ZNF322: variants seen among roughly 807,000 people sequenced by gnomAD.
The protein encoded by ZNF322 is HLA complex group 12.
Under a neutral mutation model 18.3 loss-of-function variants are expected in ZNF322, and 1 was observed. That is an observed-to-expected ratio of 0.05 (90% CI 0.02 to 0.26). The LOEUF (loss-of-function observed/expected upper bound fraction) is 0.26. Among genes scored for constraint, ZNF322 ranks in the 10% least tolerant of loss-of-function variants. The pLI is 1.00. For missense variants in ZNF322, 36 were observed against 403.6 expected, an observed-to-expected ratio of 0.09 and a Z score of 7.80; for synonymous variants, 17 against 130.7, an observed-to-expected ratio of 0.13 and a Z score of 5.93.
intron 2 of ZNF322, among the ~76,000 whole-genome samples, chr6:26,655,353 T>C (rs1186350654): frequency 2.0e-5 from 3 of 152,204 alleles, no homozygotes; most frequent in African/African-American, 4.8e-5. Flanking sequence ...CTAGAGAATA[T>C]CCTTGTTTTT....
chr6:26,652,749 T>C (rs1765694707), intron 2 of ZNF322, among the ~76,000 whole-genome samples: 3 of 152,110 alleles, frequency 2.0e-5, no homozygotes, highest in South Asian at 2.1e-4. Context: ...GAGTGAACCC[T>C]AATGTAACCT....
At chr6:26,645,417 C>T (rs1271826115) in intron 2 of ZNF322, among the ~76,000 whole-genome samples, 2 of 151,856 alleles carry the variant, frequency 1.3e-5, no homozygotes, top group Non-Finnish European at 2.9e-5. Context: ...AAATTCATTG[C>T]CAGAAAGAAA....
At chr6:26,644,749 T>C (rs1765526275) in intron 2 of ZNF322, among the ~76,000 whole-genome samples, 1 of 152,240 alleles carries the variant, frequency 6.6e-6, no homozygotes, top group African/African-American at 2.4e-5. Context: ...AATTGTCAAC[T>C]GAGACTTCTC....
chr6:26,637,037 GCT>G lies in ZNF322; in HGVS notation c.*306_*307del, dbSNP rs1765365918. ...GAGAAGGGCTGAGCATTAGTAGAAAGCTCTCTCACACTCAGTGCATTTCTAAG... is the reference window on the plus strand; with the variant it reads ...GAGAAGGGCTGAGCATTAGTAGAAAGCTCTCACACTCAGTGCATTTCTAAG... On this transcript the variant is annotated 3_prime_UTR_variant, in exon 4 of 4. Transcript: ENST00000415922. 3.9e-5 allele frequency: 9 copies of G among 231,640 alleles called. No homozygotes were observed. Among genetic ancestry groups the G allele is most frequent in the Non-Finnish European group, 7.2e-5 (9 of 125,758 alleles). The allele number at this position is 231,640 out of a possible 1,614,324, so 14.3% of individuals were successfully genotyped here.
chr6:26,646,947 T>A (rs549605879), intron 2 of ZNF322, among the ~76,000 whole-genome samples: 37 of 152,288 alleles, frequency 2.4e-4, no homozygotes, highest in Admixed American at 2.0e-3. Flanking sequence ...TATTCATAAT[T>A]GAAAATATTA....
At position 26,638,742 on chromosome 6, in the gene ZNF322, TA is replaced by T. The variant is rs1765412386; in HGVS notation, c.-175-15del. 1 of 942,828 alleles carries T rather than the reference TA, an allele frequency of 1.1e-6. No individual in the cohort carries two copies. Among genetic ancestry groups the T allele is most frequent in the Non-Finnish European group, 1.5e-6 (1 of 648,050 alleles). The allele number at this position is 942,828 out of a possible 1,614,324, so 58.4% of individuals were successfully genotyped here. A position where few individuals can be genotyped will look rare whatever the true frequency, so the allele number is the denominator to read the frequency against. On this transcript the variant is annotated splice_polypyrimidine_tract_variant and intron_variant, in intron 3 of 3. Coordinates refer to ENST00000415922, the MANE Select transcript of ZNF322 (RefSeq NM_024639.5). ...GTATTTCCAACCCTGTGAGACAAAGTAGAAATATTATTTATATTCCTATGAC... is the reference window on the plus strand; with the variant it reads ...GTATTTCCAACCCTGTGAGACAAAGTGAAATATTATTTATATTCCTATGAC...
intron 2 of ZNF322, among the ~76,000 whole-genome samples, chr6:26,644,693 G>A (rs2498342): frequency 0.64 from 97,429 of 151,794 alleles, 31,631 homozygotes; most frequent in East Asian, 0.78. Flanking sequence ...TGGGGCCTAA[G>A]CTCGGTGTAG....
intron 3 of ZNF322, among the ~76,000 whole-genome samples, chr6:26,640,309 A>G (rs1478929920): frequency 6.6e-6 from 1 of 152,172 alleles, no homozygotes; most frequent in Non-Finnish European, 1.5e-5. Context: ...ACAAGCTCTT[A>G]AGAAATCTGA....
At chr6:26,640,693 C>T (rs949468389) in intron 3 of ZNF322, among the ~76,000 whole-genome samples, 11 of 152,192 alleles carry the variant, frequency 7.2e-5, no homozygotes, top group African/African-American at 1.9e-4. Flanking sequence ...ACTTCATTCA[C>T]TATTGTTTCC....
chr6:26,642,088 C>T (rs1765476621), intron 3 of ZNF322, among the ~76,000 whole-genome samples: 1 of 152,168 alleles, frequency 6.6e-6, no homozygotes, highest in Admixed American at 6.5e-5. Flanking sequence ...GTGAGACATG[C>T]TGGAGGCAAT....
At chr6:26,654,972 G>A (rs782581157) in intron 2 of ZNF322, among the ~76,000 whole-genome samples, 3 of 152,152 alleles carry the variant, frequency 2.0e-5, no homozygotes, top group Non-Finnish European at 2.9e-5. Context: ...CTAATATGAT[G>A]CAAAGAGAAA....
Position 26,652,147 on chromosome 6 carries a change from T to C in ZNF322, c.-246+6411A>G, listed in dbSNP as rs144575206. 6.8e-4 allele frequency among the ~76,000 whole-genome samples: 103 copies of C among 152,278 alleles called. 1 individual carries two copies. In the Middle Eastern group the frequency reaches 0.01, roughly 15 times the overall value. On this transcript the variant is annotated intron_variant, in intron 2 of 3. Transcript: ENST00000415922. ...CCATGCCTGTGCTGGCAATGACTTT[T>C]TAGATACAACAACAAAGGTATGATC...
At position 26,638,269 on chromosome 6, in the gene ZNF322, G is replaced by A. The variant is rs782457027; in HGVS notation, c.285C>T (p.Tyr95=). The part of the protein sequence containing the change: ...DLTSHQRIHN[Y]EKPYKCSKCE... ...ATTTGCTACATTTATAAGGTTTCTC[G>A]TAATTGTGGATCCTCTGGTGTGAAG... Residue 95 remains tyrosine (Y), a synonymous_variant, in exon 4 of 4, where the codon TAC becomes TAT. Coordinates refer to ENST00000415922, the MANE Select transcript of ZNF322 (RefSeq NM_024639.5). The A allele has an allele frequency of 5.0e-6, 8 of 1,613,594 alleles. No individual in the cohort carries two copies. Among genetic ancestry groups the A allele is most frequent in the African/African-American group, 1.3e-5 (1 of 74,982 alleles).
chr6:26,651,864 C>T (rs941319140), intron 2 of ZNF322, among the ~76,000 whole-genome samples: 9 of 152,150 alleles, frequency 5.9e-5, no homozygotes, highest in Non-Finnish European at 1.0e-4. Context: ...ATGGGTCTCG[C>T]TCTGTGTCCC....
chr6:26,647,034 A>T (rs1765570682), intron 2 of ZNF322, among the ~76,000 whole-genome samples: 1 of 152,184 alleles, frequency 6.6e-6, no homozygotes. Flanking sequence ...GAAGAATTTA[A>T]ATGAACAAGT....
At chr6:26,658,207 T>A (rs1554149874) in intron 2 of ZNF322, among the ~76,000 whole-genome samples, 1 of 152,056 alleles carries the variant, frequency 6.6e-6, no homozygotes, top group Non-Finnish European at 1.5e-5. Context: ...AGTTAGATAA[T>A]CACCCAACAA....
intron 2 of ZNF322, among the ~76,000 whole-genome samples, chr6:26,645,971 C>T (rs929458542): frequency 1.3e-5 from 2 of 151,812 alleles, no homozygotes; most frequent in Admixed American, 6.6e-5. Flanking sequence ...GTGGAGGTTG[C>T]GGTGAGCCAA....
chr6:26,646,515 G>A (rs950474528), intron 2 of ZNF322, among the ~76,000 whole-genome samples: 5 of 151,902 alleles, frequency 3.3e-5, no homozygotes, highest in Non-Finnish European at 5.9e-5. Flanking sequence ...TTACACAGCA[G>A]GCACATTTAC....
intron 2 of ZNF322, among the ~76,000 whole-genome samples, chr6:26,647,092 C>T (rs1038870872): frequency 1.3e-5 from 2 of 151,726 alleles, no homozygotes; most frequent in African/African-American, 2.4e-5. Context: ...TCAATTGAGC[C>T]CAGGAGTTCA....
Sources: gnomAD v4.1 joint callset for allele counts (sites outside exome capture counted in the v4.1 genomes callset) on GRCh38, gnomAD v4.1.1 for gene constraint, MANE v1.5 for transcripts, NCBI Gene and HGNC (gene_info 2026-07-23, HGNC 2026-07-21) for gene names.